Variants in LRRC4C observed in about 807,000 individuals in gnomAD.
LRRC4C encodes the protein leucine-rich repeat-containing protein 4C.
LRRC4C carries 5 observed loss-of-function variants against 33.6 expected under a neutral mutation model. The ratio of observed to expected loss-of-function variants is 0.15; its 90% CI spans 0.08 to 0.31. The LOEUF (loss-of-function observed/expected upper bound fraction) is 0.31, where lower values mean the gene tolerates loss of function less well. LRRC4C is among the 10% of genes least tolerant of loss of function. The pLI, the probability that LRRC4C is intolerant of heterozygous loss-of-function variation, is 1.00. For synonymous variants in LRRC4C, 329 were observed against 302.0 expected, an observed-to-expected ratio of 1.09 and a Z score of -0.93; for missense variants, 560 against 796.7, an observed-to-expected ratio of 0.70 and a Z score of 3.58.
At chr11:40,660,237 C>T (rs995024313) in intron 2 of LRRC4C, among the ~76,000 whole-genome samples, 1 of 152,210 alleles carries the variant, frequency 6.6e-6, no homozygotes, top group Admixed American at 6.5e-5. Flanking sequence ...AGTGGCTAGA[C>T]CTCATGCTTG....
intron 2 of LRRC4C, among the ~76,000 whole-genome samples, chr11:40,889,711 C>T (rs1370052489): frequency 8.5e-5 from 13 of 152,048 alleles, no homozygotes. Flanking sequence ...ATTTCAGTAG[C>T]AACACTGTGC....
chr11:41,416,625 C>A (rs1283998932), intron 1 of LRRC4C, among the ~76,000 whole-genome samples: 1 of 151,878 alleles, frequency 6.6e-6, no homozygotes, highest in African/African-American at 2.4e-5. Context: ...ACAGTGCGTG[C>A]AAGGGAAGGA....
intron 1 of LRRC4C, among the ~76,000 whole-genome samples, chr11:40,942,228 T>A (rs1487827059): frequency 6.6e-6 from 1 of 152,134 alleles, no homozygotes; most frequent in Non-Finnish European, 1.5e-5. Context: ...CTAGCAGTCA[T>A]TGACTGGAAG....
At chr11:40,635,477 C>T (rs894456183) in intron 3 of LRRC4C, among the ~76,000 whole-genome samples, 2 of 152,098 alleles carry the variant, frequency 1.3e-5, no homozygotes, top group Admixed American at 6.5e-5. Context: ...AACATACACA[C>T]AGACACATAG....
intron 1 of LRRC4C, among the ~76,000 whole-genome samples, chr11:41,093,978 A>T (rs1023955187): frequency 6.7e-6 from 1 of 148,728 alleles, no homozygotes; most frequent in Non-Finnish European, 1.5e-5. Context: ...GTGTAGTGGC[A>T]TGTGCCTGTA....
At chr11:40,676,579 T>C (rs1944414987) in intron 2 of LRRC4C, among the ~76,000 whole-genome samples, 1 of 152,200 alleles carries the variant, frequency 6.6e-6, no homozygotes. Flanking sequence ...TGTTTTGCCT[T>C]CCAAAACTAT....
At position 40,469,040 on chromosome 11, in the gene LRRC4C, G is replaced by A. The variant is rs1351897810; in HGVS notation, c.-269-149319C>T. On this transcript the variant is annotated intron_variant, in intron 3 of 6. Coordinates refer to ENST00000528697, the MANE Select transcript of LRRC4C (RefSeq NM_001258419.2). ...CAGCCCCACAAAGCAGTGACATGTA[G>A]TAAAATAAAGGCACTTATGTGTACT... Among the ~76,000 whole-genome samples the A allele has an allele frequency of 2.0e-5, 3 of 152,178 alleles. No homozygotes were observed. In the East Asian group the frequency reaches 5.8e-4, roughly 29 times the overall value.
chr11:41,099,520 A>T (rs942784327), intron 1 of LRRC4C, among the ~76,000 whole-genome samples: 1 of 152,212 alleles, frequency 6.6e-6, no homozygotes, highest in African/African-American at 2.4e-5. Context: ...TATCTCTGGG[A>T]TGAAAGGTTG....
chr11:40,649,233 G>T (rs1232696287), intron 2 of LRRC4C, among the ~76,000 whole-genome samples: 2 of 152,202 alleles, frequency 1.3e-5, no homozygotes, highest in East Asian at 3.9e-4. Flanking sequence ...GGTACTGCAG[G>T]AGACCAGGGC....
chr11:41,185,174 A>G (rs1262977020), intron 1 of LRRC4C, among the ~76,000 whole-genome samples: 6 of 152,320 alleles, frequency 3.9e-5, no homozygotes, highest in Non-Finnish European at 5.9e-5. Flanking sequence ...TACAAATTTA[A>G]TATTATCTAT....
rs534820913 is a variant in LRRC4C at position 41,010,597 on chromosome 11, C to T, written c.-495-76874G>A. ...AACAATGCTGTGCCTGAGAAGTTCT[C>T]CAAAAGAGGCTTAACTACTGCTTTA... On this transcript the variant is annotated intron_variant, in intron 1 of 6. Transcript: ENST00000528697. Among the ~76,000 whole-genome samples the T allele has an allele frequency of 1.2e-3, 183 of 152,120 alleles. 1 individual carries two copies. Among genetic ancestry groups the T allele is most frequent in the Non-Finnish European group, 2.5e-3 (171 of 68,004 alleles).
chr11:40,234,734 G>A (rs934148420), intron 5 of LRRC4C, among the ~76,000 whole-genome samples: 2 of 152,200 alleles, frequency 1.3e-5, no homozygotes, highest in Non-Finnish European at 2.9e-5. Context: ...CTGTGCCACT[G>A]CACTCCAGCC....
chr11:40,961,121 G>A (rs1332592330), intron 1 of LRRC4C, among the ~76,000 whole-genome samples: 1 of 151,620 alleles, frequency 6.6e-6, no homozygotes, highest in African/African-American at 2.4e-5. Flanking sequence ...AGATGAACAG[G>A]AAATTTGGAA....
chr11:40,817,631 G>A (rs939298715), intron 2 of LRRC4C, among the ~76,000 whole-genome samples: 18 of 152,044 alleles, frequency 1.2e-4, no homozygotes, highest in African/African-American at 1.7e-4. Context: ...TTTCCTAAAC[G>A]AATGACAAAC....
intron 1 of LRRC4C, among the ~76,000 whole-genome samples, chr11:41,271,707 T>C (rs1949326985): frequency 6.6e-6 from 1 of 152,148 alleles, no homozygotes. Context: ...AGAATGTATG[T>C]GTCATGAGAC....
chr11:40,495,291 G>A lies in LRRC4C; in HGVS notation c.-270+152851C>T, dbSNP rs573398349. 1.3e-4 allele frequency among the ~76,000 whole-genome samples: 20 copies of A among 151,496 alleles called. No homozygotes were observed. The East Asian group carries it at 3.3e-3, about 25-fold the overall frequency. On this transcript the variant is annotated intron_variant, in intron 3 of 6. Transcript: ENST00000528697. Reference sequence around the variant, plus strand: ...GGCAAAACAAACGAACAACCTCTCCGCCCCCCCCGCCAGAAAAAAATTAAT... The same window carrying A: ...GGCAAAACAAACGAACAACCTCTCCACCCCCCCCGCCAGAAAAAAATTAAT...
intron 3 of LRRC4C, among the ~76,000 whole-genome samples, chr11:40,532,621 AC>A: frequency 6.6e-6 from 1 of 151,892 alleles, no homozygotes; most frequent in South Asian, 2.1e-4. Flanking sequence ...AAGATGAAAA[AC>A]AGTAGTAGTC....
chr11:40,438,237 T>C (rs1030078884), intron 3 of LRRC4C, among the ~76,000 whole-genome samples: 10 of 152,236 alleles, frequency 6.6e-5, no homozygotes, highest in Non-Finnish European at 1.5e-4. Flanking sequence ...GTTGTCCCTG[T>C]AGCTCACTTT....
intron 5 of LRRC4C, among the ~76,000 whole-genome samples, chr11:40,201,878 C>T (rs970134254): frequency 3.3e-5 from 5 of 152,148 alleles, no homozygotes; most frequent in Admixed American, 2.6e-4. Flanking sequence ...TGCCACCTCG[C>T]ATGGCCCTCA....
Sources: allele counts gnomAD v4.1 joint callset (sites outside exome capture counted in the v4.1 genomes callset), GRCh38; gene constraint gnomAD v4.1.1; transcripts MANE v1.5; gene names NCBI Gene and HGNC (gene_info 2026-07-23, HGNC 2026-07-21).